The following IMPG2 variants were observed in gnomAD, a reference collection of about 807,000 sequenced individuals.
IMPG2 encodes the protein interphotoreceptor matrix proteoglycan 2.
Under a neutral mutation model 129.2 loss-of-function variants are expected in IMPG2, and 91 were observed. The ratio of observed to expected loss-of-function variants is 0.70; its 90% CI spans 0.59 to 0.84. The LOEUF is 0.84. IMPG2 is among the 40% of genes least tolerant of loss of function. IMPG2 has a pLI of 0.00. For synonymous variants in IMPG2, 510 were observed against 517.7 expected (o/e 0.99, Z 0.20); for missense variants, 1,430 against 1,461.7 (o/e 0.98, Z 0.35).
At chr3:101,270,804 A>G (rs1206529947) in intron 7 of IMPG2, among the ~76,000 whole-genome samples, 8 of 152,176 alleles carry the variant, frequency 5.3e-5, no homozygotes, top group Non-Finnish European at 2.9e-5. Flanking sequence ...AAAAAAAATA[A>G]TAATAATCAG....
intron 12 of IMPG2, 89 bp downstream of exon 12, chr3:101,245,712 GT>G (rs1706468318): frequency 6.6e-6 from 8 of 1,208,286 alleles, no homozygotes; most frequent in Middle Eastern, 2.3e-4. Flanking sequence ...ATGCTACCAT[GT>G]TTTTTTCATA....
intron 14 of IMPG2, among the ~76,000 whole-genome samples, chr3:101,236,700 C>T (rs1411306496): frequency 1.3e-5 from 2 of 152,186 alleles, no homozygotes; most frequent in African/African-American, 4.8e-5. Flanking sequence ...GTCTTCGTAA[C>T]CTGCAGACCA....
chr3:101,234,497 C>T (rs1706325089), intron 14 of IMPG2, among the ~76,000 whole-genome samples: 1 of 152,094 alleles, frequency 6.6e-6, no homozygotes, highest in Admixed American at 6.6e-5. Flanking sequence ...TTTGTTACAG[C>T]AGCCCTAGGA....
At chr3:101,316,715 A>T (rs1481238194) in intron 2 of IMPG2, among the ~76,000 whole-genome samples, 2 of 152,142 alleles carry the variant, frequency 1.3e-5, no homozygotes, top group East Asian at 3.8e-4. Context: ...TATACCTATC[A>T]CGTGACCCAG....
chr3:101,270,348 A>G (rs1706769025), intron 7 of IMPG2, among the ~76,000 whole-genome samples: 1 of 152,112 alleles, frequency 6.6e-6, no homozygotes, highest in African/African-American at 2.4e-5. Flanking sequence ...TGCTCCTACA[A>G]CGAAAGAGAA....
chr3:101,264,617 C>A (rs1706703262), intron 9 of IMPG2, among the ~76,000 whole-genome samples: 1 of 152,036 alleles, frequency 6.6e-6, no homozygotes, highest in Non-Finnish European at 1.5e-5. Flanking sequence ...AAGTTGGAAG[C>A]ATTTCCTCCA....
chr3:101,228,936 T>A (rs1706252126), intron 17 of IMPG2, 60 bp from the exon 18 acceptor site: 1 of 1,185,580 alleles, frequency 8.4e-7, no homozygotes, highest in South Asian at 1.2e-5. Flanking sequence ...AACAGCCTTT[T>A]AAAAGGGGTT....
intron 15 of IMPG2, 74 bp from the exon 16 acceptor site, chr3:101,231,219 G>C: frequency 7.4e-7 from 1 of 1,349,404 alleles, no homozygotes; most frequent in South Asian, 1.2e-5. Context: ...AGAACCTTCT[G>C]AGGGACTAGA....
intron 9 of IMPG2, among the ~76,000 whole-genome samples, chr3:101,263,155 T>C (rs1306622528): frequency 6.6e-6 from 1 of 151,698 alleles, no homozygotes; most frequent in Non-Finnish European, 1.5e-5. Flanking sequence ...GAAAGAAAAA[T>C]CAACAAAGGA....
intron 7 of IMPG2, among the ~76,000 whole-genome samples, chr3:101,273,039 G>T (rs1706804169): frequency 6.6e-6 from 1 of 152,032 alleles, no homozygotes; most frequent in African/African-American, 2.4e-5. Flanking sequence ...GTTATGGGAT[G>T]GTCTAATCCA....
At chr3:101,270,001 G>A (rs1443418559) in intron 7 of IMPG2, among the ~76,000 whole-genome samples, 1 of 146,778 alleles carries the variant, frequency 6.8e-6, no homozygotes, top group Admixed American at 7.0e-5. Context: ...TGCGATCTTG[G>A]CTCACTGCAA....
intron 15 of IMPG2, among the ~76,000 whole-genome samples, chr3:101,231,371 GAAT>G (rs1706285950): frequency 6.6e-6 from 1 of 152,170 alleles, no homozygotes; most frequent in African/African-American, 2.4e-5. Flanking sequence ...AAAGAAAACT[GAAT>G]AAAAAGCTAA....
chr3:101,265,192 A>T lies in IMPG2; in HGVS notation c.908+2319T>A, dbSNP rs1438961417. On this transcript the variant is annotated intron_variant, in intron 9 of 18. Coordinates refer to ENST00000193391, the MANE Select transcript of IMPG2 (RefSeq NM_016247.4). ...ACATTCTTCACAGAAATAGAAAAAA[A>T]GTCTTAAAATTTGTATGGAACCACA... Among the ~76,000 whole-genome samples the T allele has an allele frequency of 2.0e-5, 3 of 152,232 alleles. No individual in the cohort carries two copies. In the East Asian group the frequency reaches 5.8e-4, roughly 29 times the overall value.
intron 11 of IMPG2, among the ~76,000 whole-genome samples, chr3:101,253,192 G>A (rs1706562830): frequency 6.6e-6 from 1 of 152,096 alleles, no homozygotes; most frequent in South Asian, 2.1e-4. Flanking sequence ...AGGTTACAAG[G>A]AGGCCTGATT....
At position 101,267,507 on chromosome 3, in the gene IMPG2, G is replaced by A; in HGVS notation, c.908+4C>T. 6.2e-7 allele frequency: 1 copy of A among 1,611,226 alleles called. No homozygotes were observed. Among genetic ancestry groups the A allele is most frequent in the East Asian group, 2.2e-5 (1 of 44,782 alleles). On this transcript the variant is annotated splice_donor_region_variant and intron_variant, in intron 9 of 18. Transcript: ENST00000193391. ...TGGACATTAGAGAAAGTGCCAAAAAGTACCTGTCATTTTCCTTGGGGGACC... is the reference window on the plus strand; with the variant it reads ...TGGACATTAGAGAAAGTGCCAAAAAATACCTGTCATTTTCCTTGGGGGACC...
At chr3:101,266,544 T>A (rs1706722005) in intron 9 of IMPG2, among the ~76,000 whole-genome samples, 1 of 152,206 alleles carries the variant, frequency 6.6e-6, no homozygotes, top group Admixed American at 6.5e-5. Context: ...CTTTACCCCA[T>A]GCACATTTAT....
chr3:101,276,162 G>A (rs1411223638), intron 5 of IMPG2, among the ~76,000 whole-genome samples: 1 of 152,174 alleles, frequency 6.6e-6, no homozygotes, highest in Non-Finnish European at 1.5e-5. Flanking sequence ...TATTTTTGTA[G>A]ATGTTTGAAA....
intron 2 of IMPG2, among the ~76,000 whole-genome samples, chr3:101,309,459 C>T (rs772540973): frequency 5.3e-5 from 8 of 152,136 alleles, no homozygotes; most frequent in Non-Finnish European, 1.0e-4. Flanking sequence ...CACATGGCAT[C>T]GGGATAGAGA....
At chr3:101,231,494 A>C (rs1706287184) in intron 15 of IMPG2, among the ~76,000 whole-genome samples, 1 of 152,248 alleles carries the variant, frequency 6.6e-6, no homozygotes, top group South Asian at 2.1e-4. Context: ...TCTGCTGCAG[A>C]ACTGGGCCTA....
Sources: gnomAD v4.1 joint callset for allele counts (sites outside exome capture counted in the v4.1 genomes callset) on GRCh38, gnomAD v4.1.1 for gene constraint, MANE v1.5 for transcripts, NCBI Gene and HGNC (gene_info 2026-07-23, HGNC 2026-07-21) for gene names.